RUNX2: variants seen among roughly 807,000 people sequenced by gnomAD.
The protein encoded by RUNX2 is runt-related transcription factor 2.
In RUNX2, 10 loss-of-function variants were observed where a neutral mutation model predicts 51.7. That is an observed-to-expected ratio of 0.19 (90% CI 0.12 to 0.33). The LOEUF is 0.33. RUNX2 is among the 10% of genes least tolerant of loss of function. The pLI is 1.00. For missense variants in RUNX2, 562 were observed against 691.3 expected (o/e 0.81, Z 2.10); for synonymous variants, 276 against 273.6 (o/e 1.01, Z -0.09).
intron 5 of RUNX2, among the ~76,000 whole-genome samples, chr6:45,461,737 A>G (rs1799480841): frequency 6.7e-6 from 1 of 150,312 alleles, no homozygotes; most frequent in South Asian, 2.1e-4. Context: ...AAATAGTGAT[A>G]GAATGAGGCT....
chr6:45,506,663 T>C (rs1800977134), intron 6 of RUNX2, among the ~76,000 whole-genome samples: 1 of 152,186 alleles, frequency 6.6e-6, no homozygotes, highest in African/African-American at 2.4e-5. Flanking sequence ...AGTTTTGTTG[T>C]TGTTGTTGTT....
At chr6:45,497,905 CTGTT>C (rs1414334319) in intron 6 of RUNX2, among the ~76,000 whole-genome samples, 2 of 152,178 alleles carry the variant, frequency 1.3e-5, no homozygotes, top group African/African-American at 2.4e-5. Flanking sequence ...TTTCTAGTGT[CTGTT>C]TGATTGAATT....
At chr6:45,372,539 T>G (rs1014779648) in intron 2 of RUNX2, among the ~76,000 whole-genome samples, 3 of 152,234 alleles carry the variant, frequency 2.0e-5, no homozygotes, top group Non-Finnish European at 4.4e-5. Flanking sequence ...GATTTTTTAA[T>G]GATTTATATT....
At chr6:45,511,936 A>C (rs1226316178) in intron 6 of RUNX2, among the ~76,000 whole-genome samples, 5 of 152,220 alleles carry the variant, frequency 3.3e-5, no homozygotes, top group African/African-American at 1.2e-4. Context: ...TAACCAAAGC[A>C]GATTGTTTTC....
chr6:45,371,010 C>A (rs970394621), intron 2 of RUNX2, among the ~76,000 whole-genome samples: 1 of 152,170 alleles, frequency 6.6e-6, no homozygotes, highest in Non-Finnish European at 1.5e-5. Flanking sequence ...GCACATAGCA[C>A]ACTTACTTTT....
At chr6:45,516,472 T>G (rs1801324613) in intron 7 of RUNX2, among the ~76,000 whole-genome samples, 1 of 152,254 alleles carries the variant, frequency 6.6e-6, no homozygotes, top group Non-Finnish European at 1.5e-5. Context: ...GATGTTACAG[T>G]GCAGAAGACA....
intron 5 of RUNX2, among the ~76,000 whole-genome samples, chr6:45,455,735 G>A (rs532009512): frequency 4.6e-5 from 7 of 152,146 alleles, no homozygotes; most frequent in Non-Finnish European, 7.3e-5. Flanking sequence ...TCAGCAATAC[G>A]CCTTTAAGTT....
intron 6 of RUNX2, among the ~76,000 whole-genome samples, chr6:45,494,586 A>G (rs1413492463): frequency 6.6e-6 from 1 of 152,074 alleles, no homozygotes; most frequent in Non-Finnish European, 1.5e-5. Context: ...GTCCACATAC[A>G]TACTTGTCAC....
chr6:45,471,235 A>G (rs1419716770), intron 5 of RUNX2, among the ~76,000 whole-genome samples: 1 of 152,198 alleles, frequency 6.6e-6, no homozygotes, highest in Non-Finnish European at 1.5e-5. Context: ...TACATTAAAA[A>G]GTAGGTCCAG....
At chr6:45,437,858 T>C in intron 4 of RUNX2, 89 bp from the exon 5 acceptor site, 1 of 975,208 alleles carries the variant, frequency 1.0e-6, no homozygotes, top group Non-Finnish European at 1.6e-6. Context: ...TAGAGATGCT[T>C]AAATGCAATT....
intron 2 of RUNX2, among the ~76,000 whole-genome samples, chr6:45,354,393 T>TA (rs1792697402): frequency 6.6e-6 from 1 of 152,084 alleles, no homozygotes; most frequent in Admixed American, 6.6e-5. Context: ...ACTAAGAACA[T>TA]AAAAATTAAG....
At position 45,422,655 on chromosome 6, in the gene RUNX2, G is replaced by C. The variant is rs200687912; in HGVS notation, c.121G>C (p.Asp41His). ...SSSLQPGKMS[D>H]VSPVVAAQQQ... ...CAGCCTGCAGCCCGGCAAAATGAGCGACGTGAGCCCGGTGGTGGCTGCGCA... is the reference window on the plus strand; with the variant it reads ...CAGCCTGCAGCCCGGCAAAATGAGCCACGTGAGCCCGGTGGTGGCTGCGCA... The change falls in exon 3 of 9, where the codon GAC (aspartate) becomes CAC (histidine). Residue 41 changes from aspartate (D) to histidine (H), a missense_variant. Around this residue, in one of 5 missense-constraint regions of RUNX2, gnomAD observed 153 missense variants for 144.8 expected, o/e 1.06. Coordinates refer to ENST00000647337, the MANE Select transcript of RUNX2 (RefSeq NM_001024630.4). 2 of 1,607,212 alleles carry C rather than the reference G, an allele frequency of 1.2e-6. No individual in the cohort carries two copies. The highest frequency in any genetic ancestry group is 8.5e-7 in the Non-Finnish European group (1 of 1,177,636).
In RUNX2 at chr6:45,512,145, TCTCCC is replaced by T; in HGVS notation, c.860-100_860-96del. 8 of 1,107,092 alleles carry T rather than the reference TCTCCC, an allele frequency of 7.2e-6. No homozygotes were observed. The Admixed American group carries it at 7.4e-5, about 10-fold the overall frequency. The allele number at this position is 1,107,092 out of a possible 1,614,324, so 68.6% of individuals were successfully genotyped here. ...TATATATATAAGCCATTTTTTTTTCTCTCCCTGTTTTTCTGCTTTTTCCTTTCTGA... is the reference window on the plus strand; with the variant it reads ...TATATATATAAGCCATTTTTTTTTCTTGTTTTTCTGCTTTTTCCTTTCTGA... On this transcript the variant is annotated intron_variant, in intron 6 of 8. Transcript: ENST00000647337.
At chr6:45,441,874 C>T (rs1389922720) in intron 5 of RUNX2, among the ~76,000 whole-genome samples, 1 of 152,226 alleles carries the variant, frequency 6.6e-6, no homozygotes, top group Non-Finnish European at 1.5e-5. Context: ...AACACATCTG[C>T]CAAGACTTGC....
At chr6:45,418,322 G>A (rs1011534646) in intron 2 of RUNX2, among the ~76,000 whole-genome samples, 4 of 151,984 alleles carry the variant, frequency 2.6e-5, no homozygotes, top group African/African-American at 9.7e-5. Flanking sequence ...GAATTGTCAG[G>A]TGTTGTTACT....
At chr6:45,420,621 C>T (rs77446808) in intron 2 of RUNX2, among the ~76,000 whole-genome samples, 4,109 of 152,262 alleles carry the variant, frequency 0.027, 198 homozygotes, top group African/African-American at 0.093. Flanking sequence ...GAAACTTTGG[C>T]AACTGATGAT....
intron 2 of RUNX2, among the ~76,000 whole-genome samples, chr6:45,354,559 A>G (rs980331313): frequency 2.0e-5 from 3 of 152,074 alleles, no homozygotes; most frequent in African/African-American, 7.2e-5. Context: ...TTCCTTGGAT[A>G]ATAAGGGGCT....
chr6:45,530,793 C>T (rs192320558), intron 7 of RUNX2, among the ~76,000 whole-genome samples: 122 of 152,122 alleles, frequency 8.0e-4, no homozygotes, highest in African/African-American at 2.6e-3. Context: ...TTTCTGATGG[C>T]GGAAAGTACT....
intron 2 of RUNX2, among the ~76,000 whole-genome samples, chr6:45,400,131 G>C (rs1797678379): frequency 7.2e-6 from 1 of 138,822 alleles, no homozygotes; most frequent in Non-Finnish European, 1.6e-5. Context: ...GGGAGGGAAG[G>C]AAGGAGGGAG....
Sources: allele counts gnomAD v4.1 joint callset (sites outside exome capture counted in the v4.1 genomes callset), GRCh38; gene constraint gnomAD v4.1.1; regional missense constraint gnomAD v4.1.1; transcripts MANE v1.5; gene names NCBI Gene and HGNC (gene_info 2026-07-23, HGNC 2026-07-21).